The following IQCM variants were observed in gnomAD, a reference collection of about 807,000 sequenced individuals.
IQCM encodes IQ motif containing M, also known as IQ domain-containing protein M.
A neutral mutation model predicts 57.6 loss-of-function variants in IQCM; 45 were observed. That is an observed-to-expected ratio of 0.78 (90% CI 0.62 to 1.00). The LOEUF (loss-of-function observed/expected upper bound fraction) is 1.00, where lower values mean the gene tolerates loss of function less well. IQCM is among the 50% of genes least tolerant of loss of function. IQCM has a pLI of 0.00. For missense variants in IQCM, 468 were observed against 511.6 expected (o/e 0.91, Z 0.82); for synonymous variants, 148 against 158.9 (o/e 0.93, Z 0.51).
At chr4:149,555,600 C>A (rs912121713) in intron 10 of IQCM, among the ~76,000 whole-genome samples, 4 of 152,168 alleles carry the variant, frequency 2.6e-5, no homozygotes, top group African/African-American at 9.7e-5. Context: ...AGCTACCCAG[C>A]CTTTACTATT....
intron 2 of IQCM, among the ~76,000 whole-genome samples, chr4:149,783,354 C>T (rs756595368): frequency 6.6e-6 from 1 of 152,056 alleles, no homozygotes; most frequent in Non-Finnish European, 1.5e-5. Context: ...TTAACAAACG[C>T]TCTCAAAATT....
chr4:149,668,586 C>A (rs1028018634), intron 7 of IQCM, among the ~76,000 whole-genome samples: 1 of 152,068 alleles, frequency 6.6e-6, no homozygotes, highest in African/African-American at 2.4e-5. Flanking sequence ...TGCAGCAAAC[C>A]ACCATGGCAC....
At position 149,643,872 on chromosome 4, in the gene IQCM, C is replaced by T. The variant is rs376571476; in HGVS notation, c.566-22628G>A. ...TTGCTTTAATTCCTGGGTTTACAGA[C>T]TCCGCCTTCTTACTCTTAATGTATT... On this transcript the variant is annotated intron_variant, in intron 7 of 13. Coordinates refer to ENST00000636793, the MANE Select transcript of IQCM (RefSeq NM_001363507.2). 3.3e-5 allele frequency among the ~76,000 whole-genome samples: 5 copies of T among 152,304 alleles called. No individual in the cohort carries two copies. The South Asian group carries it at 1.0e-3, about 32-fold the overall frequency.
chr4:149,679,660 T>TA (rs151254484), intron 7 of IQCM, among the ~76,000 whole-genome samples: 3,414 of 147,652 alleles, frequency 0.023, 98 homozygotes, highest in South Asian at 0.14. Flanking sequence ...GCATGAATTG[T>TA]AAAAAAAAAA....
At position 149,633,984 on chromosome 4, in the gene IQCM, T is replaced by C. The variant is rs10016985; in HGVS notation, c.566-12740A>G. On this transcript the variant is annotated intron_variant, in intron 7 of 13. Coordinates refer to ENST00000636793, the MANE Select transcript of IQCM (RefSeq NM_001363507.2). ...TAAAAGGTTAAATAATTCTCAGCTT[T>C]ATCTTTTTCTTTTTCTTTTTTTTCT... Among the ~76,000 whole-genome samples, 578 of 152,280 alleles carry C rather than the reference T, an allele frequency of 3.8e-3. 3 individuals are homozygous for C. Among genetic ancestry groups the C allele is most frequent in the African/African-American group, 0.013 (537 of 41,566 alleles).
At chr4:149,432,317 C>A (rs561449829) in intron 13 of IQCM, among the ~76,000 whole-genome samples, 76 of 151,960 alleles carry the variant, frequency 5.0e-4, no homozygotes, top group Non-Finnish European at 9.9e-4. Flanking sequence ...TGATGTTGAT[C>A]ATCTTTTCAT....
intron 13 of IQCM, among the ~76,000 whole-genome samples, chr4:149,369,677 A>G (rs1032312032): frequency 3.3e-5 from 5 of 152,172 alleles, no homozygotes; most frequent in Non-Finnish European, 7.3e-5. Context: ...AAATAATCAT[A>G]AGAAAATTAA....
chr4:149,758,368 A>G (rs1474916781), intron 2 of IQCM, among the ~76,000 whole-genome samples: 2 of 152,200 alleles, frequency 1.3e-5, no homozygotes, highest in East Asian at 3.9e-4. Context: ...ATGCAAAACC[A>G]TAAAACTCCT....
At chr4:149,767,005 C>G (rs139684170) in intron 2 of IQCM, among the ~76,000 whole-genome samples, 14 of 151,880 alleles carry the variant, frequency 9.2e-5, no homozygotes, top group Admixed American at 2.6e-4. Flanking sequence ...ATATCACTAA[C>G]AAAAACAAAT....
At chr4:149,726,070 T>TG in intron 5 of IQCM, among the ~76,000 whole-genome samples, 2 of 55,612 alleles carry the variant, frequency 3.6e-5, no homozygotes, top group South Asian at 1.0e-3. Context: ...CTCTTCCCTC[T>TG]AAAAGAAAGA....
chr4:149,399,968 A>G (rs867201432), intron 13 of IQCM, among the ~76,000 whole-genome samples: 25 of 152,226 alleles, frequency 1.6e-4, no homozygotes, highest in Non-Finnish European at 2.9e-4. Flanking sequence ...ACATGCACAC[A>G]CATACACACA....
intron 5 of IQCM, among the ~76,000 whole-genome samples, chr4:149,707,614 A>T (rs764220000): frequency 3.3e-5 from 5 of 151,990 alleles, no homozygotes; most frequent in Non-Finnish European, 7.4e-5. Context: ...ACTCTAACAC[A>T]AATCTACTAT....
At chr4:149,519,562 C>G (rs1224546148) in intron 12 of IQCM, among the ~76,000 whole-genome samples, 1 of 151,658 alleles carries the variant, frequency 6.6e-6, no homozygotes, top group Non-Finnish European at 1.5e-5. Flanking sequence ...ACCCAGGAGG[C>G]GTGAACCCGA....
intron 2 of IQCM, among the ~76,000 whole-genome samples, chr4:149,781,054 T>C (rs939370669): frequency 6.6e-6 from 1 of 151,984 alleles, no homozygotes; most frequent in South Asian, 2.1e-4. Context: ...ATTAAATACA[T>C]AAAAGAAGTA....
chr4:149,611,908 T>A (rs1278834106), intron 8 of IQCM, among the ~76,000 whole-genome samples: 1 of 152,068 alleles, frequency 6.6e-6, no homozygotes, highest in Non-Finnish European at 1.5e-5. Flanking sequence ...TATCAAAATA[T>A]CATATGTACC....
chr4:149,470,128 A>T (rs1739346334), intron 12 of IQCM, among the ~76,000 whole-genome samples: 1 of 152,208 alleles, frequency 6.6e-6, no homozygotes, highest in African/African-American at 2.4e-5. Flanking sequence ...TAGCAATATT[A>T]ACCTTAAATG....
intron 5 of IQCM, among the ~76,000 whole-genome samples, chr4:149,689,366 A>G (rs1455176952): frequency 1.3e-5 from 2 of 151,950 alleles, no homozygotes; most frequent in Admixed American, 6.6e-5. Context: ...CAATAAGAAC[A>G]CATGGACACA....
At chr4:149,672,104 A>C (rs926928423) in intron 7 of IQCM, among the ~76,000 whole-genome samples, 1 of 152,160 alleles carries the variant, frequency 6.6e-6, no homozygotes, top group African/African-American at 2.4e-5. Flanking sequence ...CATCCACACC[A>C]AAACCCCACC....
Position 149,357,290 on chromosome 4 carries a change from T to G in IQCM, c.1391-5224A>C, listed in dbSNP as rs530102930. On this transcript the variant is annotated intron_variant, in intron 13 of 13. Transcript: ENST00000636793. ...AGAACTTCCAACACTATGTTGAATA[T>G]GAGTGGTGAGAGAGGGCATCCCTGT... Among the ~76,000 whole-genome samples the G allele has an allele frequency of 4.1e-3, 629 of 152,204 alleles. 4 individuals carry two copies. The highest frequency in any genetic ancestry group is 0.014 in the African/African-American group (600 of 41,540).
Sources: gnomAD v4.1 joint callset for allele counts (sites outside exome capture counted in the v4.1 genomes callset) on GRCh38, gnomAD v4.1.1 for gene constraint, MANE v1.5 for transcripts, NCBI Gene and HGNC (gene_info 2026-07-23, HGNC 2026-07-21) for gene names.